KATNAL2: variants seen among roughly 807,000 people sequenced by gnomAD.
KATNAL2 encodes the protein katanin catalytic subunit A1 like 2, also known as katanin p60 ATPase-containing subunit A-like 2.
In KATNAL2, 52 loss-of-function variants were observed where a neutral mutation model predicts 76.3. The observed-to-expected ratio is 0.68, with a 90% CI of 0.55 to 0.86. The LOEUF is 0.86. Ranked by LOEUF, KATNAL2 falls within the 40% of genes least tolerant of loss-of-function variation. The pLI, the probability that KATNAL2 is intolerant of heterozygous loss-of-function variation, is 0.00. For synonymous variants in KATNAL2, 243 were observed against 244.2 expected, an observed-to-expected ratio of 1.00 and a Z score of 0.05; for missense variants, 660 against 668.9, an observed-to-expected ratio of 0.99 and a Z score of 0.15.
chr18:46,936,828 G>A (rs1441162124), intron 1 of KATNAL2, among the ~76,000 whole-genome samples: 1 of 152,072 alleles, frequency 6.6e-6, no homozygotes, highest in Non-Finnish European at 1.5e-5. Context: ...GGTGGCGGGT[G>A]CCTGTAATCC....
At chr18:47,070,231 G>A (rs1210121755) in intron 13 of KATNAL2, among the ~76,000 whole-genome samples, 1 of 151,558 alleles carries the variant, frequency 6.6e-6, no homozygotes, top group Non-Finnish European at 1.5e-5. Flanking sequence ...CGAATAGCTG[G>A]GATTACAGGT....
chr18:47,073,202 A>G (rs997400113), intron 13 of KATNAL2, among the ~76,000 whole-genome samples: 2 of 152,206 alleles, frequency 1.3e-5, no homozygotes, highest in Non-Finnish European at 2.9e-5. Flanking sequence ...TTGTCAATCT[A>G]ATACCAAAAA....
chr18:46,948,282 T>G (rs7226950), intron 3 of KATNAL2, among the ~76,000 whole-genome samples: 1,978 of 151,282 alleles, frequency 0.013, 40 homozygotes, highest in African/African-American at 0.044. Context: ...AGCTAACTTT[T>G]TGTATTTTTA....
intron 5 of KATNAL2, 115 bp from the exon 6 acceptor site, chr18:47,054,281 T>C (rs1006890817): frequency 3.7e-5 from 33 of 892,156 alleles, no homozygotes; most frequent in South Asian, 3.1e-4. Context: ...TAGATTCCAA[T>C]TGGTTAAAAC....
intron 11 of KATNAL2, among the ~76,000 whole-genome samples, chr18:47,068,397 A>C (rs960166062): frequency 6.6e-6 from 1 of 152,228 alleles, no homozygotes; most frequent in African/African-American, 2.4e-5. Flanking sequence ...GTTCACACTT[A>C]AGGGTAAGAA....
chr18:47,091,025 A>C (rs1015922607), intron 15 of KATNAL2: 1 of 152,222 alleles, frequency 6.6e-6, no homozygotes, highest in African/African-American at 2.4e-5. Context: ...GGTTTCTCTT[A>C]TGCTGATAAT....
chr18:46,961,054 T>G (rs763786526), intron 3 of KATNAL2, among the ~76,000 whole-genome samples: 77 of 152,356 alleles, frequency 5.1e-4, no homozygotes, highest in Non-Finnish European at 1.0e-3. Context: ...AAGGGCTACA[T>G]GCATTAGCTA....
At chr18:46,922,048 C>G (rs910608050) in intron 1 of KATNAL2, among the ~76,000 whole-genome samples, 4 of 151,466 alleles carry the variant, frequency 2.6e-5, no homozygotes, top group African/African-American at 9.7e-5. Flanking sequence ...TAGACTTTAC[C>G]AAAACTAGTA....
At position 47,034,067 on chromosome 18, in the gene KATNAL2, C is replaced by G. The variant is rs769576796; in HGVS notation, c.52-12390C>G. 3.1e-6 allele frequency: 5 copies of G among 1,614,078 alleles called. No individual in the cohort carries two copies. In the South Asian group the frequency reaches 5.5e-5, roughly 18 times the overall value. On this transcript the variant is annotated intron_variant, in intron 3 of 17. Transcript: ENST00000683218. ...CCAAGTGCAGTGGTGGCAGATTTTCCAGTCTTTTTCTTTTGCTTCCGCAAC... is the reference window on the plus strand; with the variant it reads ...CCAAGTGCAGTGGTGGCAGATTTTCGAGTCTTTTTCTTTTGCTTCCGCAAC...
At chr18:47,078,982 C>G (rs1174537338) in intron 15 of KATNAL2, among the ~76,000 whole-genome samples, 1 of 152,120 alleles carries the variant, frequency 6.6e-6, no homozygotes, top group East Asian at 1.9e-4. Context: ...TATGTTCTAA[C>G]TCATATATCC....
At chr18:46,923,617 ATTTCTAG>A (rs2058640926) in intron 1 of KATNAL2, among the ~76,000 whole-genome samples, 1 of 152,144 alleles carries the variant, frequency 6.6e-6, no homozygotes, top group Non-Finnish European at 1.5e-5. Context: ...GTCAAATGGT[ATTTCTAG>A]TTCTAGATCC....
At chr18:47,034,866 G>C (rs1043625674) in intron 3 of KATNAL2, 1 of 1,612,142 alleles carries the variant, frequency 6.2e-7, no homozygotes. Context: ...GAGGTGTTCT[G>C]CGTGCTGTCC....
chr18:46,938,106 A>T (rs1315991734), intron 1 of KATNAL2, among the ~76,000 whole-genome samples: 1 of 152,184 alleles, frequency 6.6e-6, no homozygotes, highest in East Asian at 1.9e-4. Context: ...AATTAAAAAA[A>T]AATGCTTTGT....
chr18:47,077,420 A>T lies in KATNAL2; in HGVS notation c.1170A>T (p.Ser390=). Residue 390 remains serine, a synonymous_variant, in exon 15 of 18, where the codon TCA becomes TCT. Transcript: ENST00000683218. ...LLVQMDGLAR[S]EDLVFVLAAS... ...TGCAGATGGATGGGCTGGCACGCTC[A>T]GAAGATCTCGTATTTGTCTTAGCAG... is the stretch of plus-strand genomic sequence containing the variant. 6.2e-7 allele frequency: 1 copy of T among 1,614,120 alleles called. No homozygotes were observed. The highest frequency in any genetic ancestry group is 8.5e-7 in the Non-Finnish European group (1 of 1,179,942).
At chr18:46,959,869 C>T (rs1486216042) in intron 3 of KATNAL2, among the ~76,000 whole-genome samples, 1 of 152,214 alleles carries the variant, frequency 6.6e-6, no homozygotes, top group East Asian at 1.9e-4. Context: ...GCCACCACGC[C>T]TGGCCAGGTT....
intron 3 of KATNAL2, among the ~76,000 whole-genome samples, chr18:46,952,321 C>T (rs1309604822): frequency 6.6e-6 from 1 of 151,876 alleles, no homozygotes; most frequent in Admixed American, 6.6e-5. Flanking sequence ...GTGATCTTCC[C>T]CCACCCACCA....
chr18:47,032,990 G>C (rs925618811), intron 3 of KATNAL2: 1 of 1,614,008 alleles, frequency 6.2e-7, no homozygotes, highest in African/African-American at 1.3e-5. Context: ...TATCTGCAAG[G>C]CAAGTCCTGA....
intron 15 of KATNAL2, among the ~76,000 whole-genome samples, chr18:47,094,322 T>C (rs1409844364): frequency 6.6e-6 from 1 of 152,226 alleles, no homozygotes; most frequent in African/African-American, 2.4e-5. Context: ...CTCAGGTATT[T>C]TGTTAATAGC....
chr18:47,084,575 G>A, intron 15 of KATNAL2: 1 of 588,396 alleles, frequency 1.7e-6, no homozygotes, highest in Non-Finnish European at 3.0e-6. Flanking sequence ...TGGGCCAGGT[G>A]CAGTGGCTCA....
Sources: gnomAD v4.1 joint callset for allele counts (sites outside exome capture counted in the v4.1 genomes callset) on GRCh38, gnomAD v4.1.1 for gene constraint, MANE v1.5 for transcripts, NCBI Gene and HGNC (gene_info 2026-07-23, HGNC 2026-07-21) for gene names.